SGCZ: variants seen among roughly 807,000 people sequenced by gnomAD.
SGCZ encodes the protein zeta-sarcoglycan.
SGCZ carries 40 observed loss-of-function variants against 41.3 expected under a neutral mutation model. The observed-to-expected ratio is 0.97, with a 90% CI of 0.75 to 1.26. SGCZ has a LOEUF of 1.26. SGCZ is among the 50% of genes most tolerant of loss of function. The pLI, the probability that SGCZ is intolerant of heterozygous loss-of-function variation, is 0.00. For synonymous variants in SGCZ, 206 were observed against 137.5 expected, an observed-to-expected ratio of 1.50 and a Z score of -3.49; for missense variants, 552 against 369.8, an observed-to-expected ratio of 1.49 and a Z score of -4.04.
At chr8:14,715,300 G>GA (rs1378057574) in intron 1 of SGCZ, among the ~76,000 whole-genome samples, 1 of 151,842 alleles carries the variant, frequency 6.6e-6, no homozygotes, top group African/African-American at 2.4e-5. Flanking sequence ...AATTGGGGAG[G>GA]AAAAAACTGA....
chr8:15,062,443 C>G (rs947408117), intron 1 of SGCZ, among the ~76,000 whole-genome samples: 2 of 152,070 alleles, frequency 1.3e-5, no homozygotes, highest in African/African-American at 2.4e-5. Flanking sequence ...AGAGGCCCAC[C>G]ACTTCCATTT....
intron 3 of SGCZ, among the ~76,000 whole-genome samples, chr8:14,263,411 T>A (rs1799748793): frequency 6.6e-6 from 1 of 151,954 alleles, no homozygotes; most frequent in Non-Finnish European, 1.5e-5. Context: ...TAGCCAGGCG[T>A]GGAGGCACGT....
chr8:14,604,675 C>A (rs1410884077), intron 1 of SGCZ, among the ~76,000 whole-genome samples: 1 of 152,050 alleles, frequency 6.6e-6, no homozygotes, highest in Non-Finnish European at 1.5e-5. Flanking sequence ...CCAGTATTAA[C>A]CCATTATAAA....
chr8:14,231,399 G>C (rs35755862), intron 4 of SGCZ, among the ~76,000 whole-genome samples: 55,909 of 151,758 alleles, frequency 0.37, 10,603 homozygotes, highest in East Asian at 0.47. Flanking sequence ...ATTTCATCAT[G>C]AGGTCATGTT....
At chr8:14,722,479 A>C (rs527464972) in intron 1 of SGCZ, among the ~76,000 whole-genome samples, 21 of 152,236 alleles carry the variant, frequency 1.4e-4, no homozygotes, top group Non-Finnish European at 2.2e-4. Flanking sequence ...ATATTGCAGG[A>C]ATTTTCTTAA....
At chr8:15,139,695 T>C (rs1808249794) in intron 1 of SGCZ, among the ~76,000 whole-genome samples, 1 of 152,232 alleles carries the variant, frequency 6.6e-6, no homozygotes, top group Non-Finnish European at 1.5e-5. Flanking sequence ...ATAGTCCTCA[T>C]GTTGTACATT....
chr8:14,572,552 C>G (rs1804586357), intron 1 of SGCZ, among the ~76,000 whole-genome samples: 2 of 151,968 alleles, frequency 1.3e-5, no homozygotes, highest in South Asian at 2.1e-4. Context: ...AAAATAAGAC[C>G]TTGAGAAGTT....
chr8:14,283,221 T>A (rs1800511287), intron 3 of SGCZ, among the ~76,000 whole-genome samples: 1 of 152,162 alleles, frequency 6.6e-6, no homozygotes, highest in Admixed American at 6.5e-5. Flanking sequence ...TAAATGACTA[T>A]CTAGCTCATA....
chr8:14,607,131 A>G (rs1433043699), intron 1 of SGCZ, among the ~76,000 whole-genome samples: 2 of 152,180 alleles, frequency 1.3e-5, no homozygotes, highest in Admixed American at 1.3e-4. Flanking sequence ...GGGGATAATA[A>G]CTTTTATCTT....
At chr8:14,943,215 A>G (rs1490626635) in intron 1 of SGCZ, among the ~76,000 whole-genome samples, 3 of 152,128 alleles carry the variant, frequency 2.0e-5, no homozygotes, top group Non-Finnish European at 4.4e-5. Context: ...AGAAAACACA[A>G]CCTCTGAATG....
At chr8:14,240,462 C>T (rs1350992354) in intron 3 of SGCZ, among the ~76,000 whole-genome samples, 1 of 151,840 alleles carries the variant, frequency 6.6e-6, no homozygotes, top group Non-Finnish European at 1.5e-5. Context: ...CTCTAGCACT[C>T]TTCCCTTCTT....
intron 3 of SGCZ, among the ~76,000 whole-genome samples, chr8:14,257,998 G>A (rs923548392): frequency 2.6e-5 from 4 of 152,042 alleles, no homozygotes; most frequent in East Asian, 1.9e-4. Context: ...ATGAAATGTC[G>A]GGGGAATTTG....
At chr8:14,442,860 A>T (rs1297785022) in intron 2 of SGCZ, among the ~76,000 whole-genome samples, 2 of 152,160 alleles carry the variant, frequency 1.3e-5, no homozygotes, top group Admixed American at 1.3e-4. Flanking sequence ...TTGTCTGTCT[A>T]ATCTTAATGA....
chr8:14,265,737 C>T (rs1799845682), intron 3 of SGCZ, among the ~76,000 whole-genome samples: 1 of 147,702 alleles, frequency 6.8e-6, no homozygotes, highest in African/African-American at 2.5e-5. Context: ...GACAATTCAG[C>T]AATTTATTTA....
chr8:14,745,273 C>G (rs1446314864), intron 1 of SGCZ, among the ~76,000 whole-genome samples: 1 of 152,080 alleles, frequency 6.6e-6, no homozygotes, highest in Non-Finnish European at 1.5e-5. Context: ...AACCCACACT[C>G]TGAGATATGT....
At chr8:15,152,825 T>A (rs186025886) in intron 1 of SGCZ, among the ~76,000 whole-genome samples, 2 of 152,298 alleles carry the variant, frequency 1.3e-5, no homozygotes, top group Non-Finnish European at 2.9e-5. Context: ...TAAGTACCTA[T>A]ATCAGATAAA....
At chr8:15,154,974 T>C (rs1244101832) in intron 1 of SGCZ, among the ~76,000 whole-genome samples, 1 of 152,086 alleles carries the variant, frequency 6.6e-6, no homozygotes. Context: ...GAAGAGCCGA[T>C]TTTGAATATT....
intron 2 of SGCZ, among the ~76,000 whole-genome samples, chr8:14,511,195 C>T (rs1431405100): frequency 8.0e-6 from 1 of 125,264 alleles, no homozygotes; most frequent in Non-Finnish European, 1.6e-5. Context: ...CTATATAAAA[C>T]TACGAATTTT....
intron 2 of SGCZ, among the ~76,000 whole-genome samples, chr8:14,369,944 A>G (rs1803851675): frequency 6.6e-6 from 1 of 152,028 alleles, no homozygotes; most frequent in Admixed American, 6.6e-5. Flanking sequence ...CGTCTATTAA[A>G]TGGGTTAAAA....
Sources: gnomAD v4.1 joint callset for allele counts (sites outside exome capture counted in the v4.1 genomes callset) on GRCh38, gnomAD v4.1.1 for gene constraint, MANE v1.5 for transcripts, NCBI Gene and HGNC (gene_info 2026-07-23, HGNC 2026-07-21) for gene names.